PEAK1: variants seen among roughly 807,000 people sequenced by gnomAD.
PEAK1 encodes pseudopodium enriched atypical kinase 1, also known as inactive tyrosine-protein kinase PEAK1.
PEAK1 carries 54 observed loss-of-function variants against 124.7 expected under a neutral mutation model. That is an observed-to-expected ratio of 0.43 (90% CI 0.35 to 0.54). The LOEUF is 0.54. Among genes scored for constraint, PEAK1 ranks in the 20% least tolerant of loss-of-function variants. The pLI is 0.01. For missense variants in PEAK1, 2,046 were observed against 2,134.5 expected (o/e 0.96, Z 0.82); for synonymous variants, 719 against 760.0 (o/e 0.95, Z 0.89).
chr15:77,267,114 C>G (rs1437021435), intron 5 of PEAK1, among the ~76,000 whole-genome samples: 2 of 152,102 alleles, frequency 1.3e-5, no homozygotes, highest in Non-Finnish European at 2.9e-5. Flanking sequence ...GCAGCAGAGG[C>G]AGCCATAATC....
intron 6 of PEAK1, among the ~76,000 whole-genome samples, chr15:77,232,559 T>C (rs756177818): frequency 6.6e-6 from 1 of 152,192 alleles, no homozygotes; most frequent in Non-Finnish European, 1.5e-5. Flanking sequence ...TCCAACCAGA[T>C]GAATTTCATC....
At chr15:77,278,475 G>T in intron 5 of PEAK1, 1 of 489,778 alleles carries the variant, frequency 2.0e-6, no homozygotes, top group Non-Finnish European at 4.1e-6. Context: ...ATGCCCAAGA[G>T]AAAGGCTGAA....
chr15:77,207,473 A>C (rs2058715765), intron 6 of PEAK1, among the ~76,000 whole-genome samples: 1 of 152,230 alleles, frequency 6.6e-6, no homozygotes, highest in Non-Finnish European at 1.5e-5. Context: ...CATACAACAA[A>C]TACTATCTAA....
intron 8 of PEAK1, among the ~76,000 whole-genome samples, chr15:77,135,431 C>T (rs938862501): frequency 6.6e-6 from 1 of 152,176 alleles, no homozygotes; most frequent in Non-Finnish European, 1.5e-5. Flanking sequence ...ATAGAGTGTA[C>T]TTACACGAAC....
chr15:77,164,909 T>TG (rs955883740), intron 7 of PEAK1, among the ~76,000 whole-genome samples: 7 of 151,666 alleles, frequency 4.6e-5, no homozygotes, highest in African/African-American at 1.4e-4. Context: ...TTCTTTCTTT[T>TG]TTTTTTTTTT....
At chr15:77,316,952 G>T (rs887744935) in intron 2 of PEAK1, among the ~76,000 whole-genome samples, 1 of 152,002 alleles carries the variant, frequency 6.6e-6, no homozygotes, top group Non-Finnish European at 1.5e-5. Context: ...GTGGTGGCGT[G>T]CACCTGTAGT....
At chr15:77,139,812 CATATA>C (rs1247642355) in intron 8 of PEAK1, among the ~76,000 whole-genome samples, 6 of 151,510 alleles carry the variant, frequency 4.0e-5, no homozygotes, top group African/African-American at 9.7e-5. Flanking sequence ...TATATATACA[CATATA>C]ATATATATAT....
At chr15:77,117,604 A>C (rs1186234506) in intron 9 of PEAK1, among the ~76,000 whole-genome samples, 1 of 152,222 alleles carries the variant, frequency 6.6e-6, no homozygotes, top group Non-Finnish European at 1.5e-5. Flanking sequence ...AGGCTCTCTG[A>C]TCACAAATTT....
intron 5 of PEAK1, among the ~76,000 whole-genome samples, chr15:77,263,720 A>C (rs2061563027): frequency 6.6e-6 from 1 of 152,190 alleles, no homozygotes; most frequent in Non-Finnish European, 1.5e-5. Flanking sequence ...ATTCCAATCA[A>C]TAGAAAAAGA....
intron 5 of PEAK1, among the ~76,000 whole-genome samples, chr15:77,254,795 T>A (rs1007197770): frequency 6.6e-6 from 1 of 152,204 alleles, no homozygotes; most frequent in Non-Finnish European, 1.5e-5. Flanking sequence ...TAAGAACTAC[T>A]GTGTGAAAGG....
intron 2 of PEAK1, among the ~76,000 whole-genome samples, chr15:77,318,757 T>G (rs1484883701): frequency 1.3e-5 from 2 of 152,088 alleles, no homozygotes; most frequent in Non-Finnish European, 2.9e-5. Context: ...ACATGCGGTA[T>G]AAGTAACACA....
At chr15:77,117,751 G>A (rs2051525253) in intron 9 of PEAK1, among the ~76,000 whole-genome samples, 1 of 151,978 alleles carries the variant, frequency 6.6e-6, no homozygotes, top group Admixed American at 6.6e-5. Flanking sequence ...GAATTGTTTG[G>A]CCAAGTCTAG....
intron 6 of PEAK1, among the ~76,000 whole-genome samples, chr15:77,231,905 T>G (rs1414299821): frequency 6.6e-6 from 1 of 152,238 alleles, no homozygotes; most frequent in African/African-American, 2.4e-5. Context: ...TTCTTAAAAG[T>G]ACTTCTGACT....
chr15:77,389,068 T>C (rs956841266), intron 1 of PEAK1, among the ~76,000 whole-genome samples: 2 of 151,168 alleles, frequency 1.3e-5, no homozygotes, highest in South Asian at 4.2e-4. Context: ...GCTTAAACGA[T>C]CCTCCCACCT....
intron 6 of PEAK1, among the ~76,000 whole-genome samples, chr15:77,206,798 G>C (rs1192204679): frequency 6.6e-6 from 1 of 152,056 alleles, no homozygotes; most frequent in Non-Finnish European, 1.5e-5. Flanking sequence ...TCTGATGGTA[G>C]TTTCTTTTGC....
At chr15:77,265,254 T>C (rs2061659887) in intron 5 of PEAK1, among the ~76,000 whole-genome samples, 1 of 152,036 alleles carries the variant, frequency 6.6e-6, no homozygotes, top group Non-Finnish European at 1.5e-5. Context: ...AATTGACAAA[T>C]GGGATCTAAT....
At chr15:77,248,542 G>A (rs1289962966) in intron 6 of PEAK1, among the ~76,000 whole-genome samples, 1 of 152,094 alleles carries the variant, frequency 6.6e-6, no homozygotes, top group Non-Finnish European at 1.5e-5. Context: ...CCTTATAAAG[G>A]AGACTCCAGA....
At chr15:77,168,062 T>C (rs1311416959) in intron 7 of PEAK1, among the ~76,000 whole-genome samples, 1 of 152,154 alleles carries the variant, frequency 6.6e-6, no homozygotes, top group East Asian at 1.9e-4. Context: ...ACAAAGGACA[T>C]GAACTCAAGG....
intron 2 of PEAK1, among the ~76,000 whole-genome samples, chr15:77,353,652 C>T (rs950635010): frequency 1.3e-5 from 2 of 152,154 alleles, no homozygotes; most frequent in African/African-American, 4.8e-5. Context: ...AATGTCCAAA[C>T]TGTCAACTGG....
Sources: allele counts gnomAD v4.1 joint callset (sites outside exome capture counted in the v4.1 genomes callset), GRCh38; gene constraint gnomAD v4.1.1; transcripts MANE v1.5; gene names NCBI Gene and HGNC (gene_info 2026-07-23, HGNC 2026-07-21).